The following FBXL5 variants were observed in gnomAD, a reference collection of about 807,000 sequenced individuals.
FBXL5 encodes the protein F-box/LRR-repeat protein 5.
FBXL5 carries 26 observed loss-of-function variants against 78.3 expected under a neutral mutation model. The observed-to-expected ratio is 0.33, with a 90% CI of 0.24 to 0.46. The LOEUF is 0.46. FBXL5 is among the 20% of genes least tolerant of loss of function. The probability of loss-of-function intolerance (pLI) is 1.00; values close to 1 mark genes in which losing one functional copy is unlikely to be tolerated. For synonymous variants in FBXL5, 295 were observed against 282.5 expected (o/e 1.04, Z -0.45); for missense variants, 710 against 829.2 (o/e 0.86, Z 1.77).
At chr4:15,680,882 C>A (rs1356012185) in intron 1 of FBXL5, among the ~76,000 whole-genome samples, 1 of 149,278 alleles carries the variant, frequency 6.7e-6, no homozygotes, top group African/African-American at 2.5e-5. Flanking sequence ...ATATATATGT[C>A]AACCCAAAAA....
intron 1 of FBXL5, among the ~76,000 whole-genome samples, chr4:15,667,308 C>T (rs903257872): frequency 6.6e-6 from 1 of 152,162 alleles, no homozygotes; most frequent in Non-Finnish European, 1.5e-5. Flanking sequence ...GATATAGGCA[C>T]TCAACATTTG....
At chr4:15,678,783 T>C (rs781325952) in intron 1 of FBXL5, among the ~76,000 whole-genome samples, 25 of 152,322 alleles carry the variant, frequency 1.6e-4, no homozygotes, top group Non-Finnish European at 2.5e-4. Context: ...TCATTTTGTT[T>C]GAAATGTCAC....
At chr4:15,618,659 T>C (rs947854615) in intron 9 of FBXL5, among the ~76,000 whole-genome samples, 70 of 152,036 alleles carry the variant, frequency 4.6e-4, no homozygotes, top group African/African-American at 1.7e-3. Context: ...CTAGCCAACA[T>C]GGTGAAACCC....
At chr4:15,639,244 C>T (rs1459661843) in intron 3 of FBXL5, among the ~76,000 whole-genome samples, 2 of 152,184 alleles carry the variant, frequency 1.3e-5, no homozygotes. Flanking sequence ...AATTTTAAAG[C>T]ATAAGGACCA....
rs777776661 is a variant in FBXL5 at position 15,636,580 on chromosome 4, C to A, written c.680G>T (p.Arg227Leu). The change falls in exon 5 of 11, where the codon CGA becomes CTA. Residue 227 changes from arginine to leucine, a missense_variant. By Grantham distance (102) the Arg-to-Leu change is moderately radical. Around this residue, in one of 4 missense-constraint regions of FBXL5, gnomAD observed 517 missense variants for 542.9 expected, o/e 0.95. Coordinates refer to ENST00000341285, the MANE Select transcript of FBXL5 (RefSeq NM_012161.4). ...CCATTTCATGCTTACTTGACTGCATCGACATAACTCTTGAGGATTAAGATA... is the reference window on the plus strand; with the variant it reads ...CCATTTCATGCTTACTTGACTGCATAGACATAACTCTTGAGGATTAAGATA... ...FSYLNPQELC[R>L]CSQVSMKWSQ... 1.1e-5 allele frequency: 18 copies of A among 1,613,818 alleles called. No homozygotes were observed. Among genetic ancestry groups the A allele is most frequent in the Admixed American group, 5.0e-5 (3 of 59,986 alleles).
intron 9 of FBXL5, among the ~76,000 whole-genome samples, chr4:15,614,805 C>T (rs939994640): frequency 6.6e-6 from 1 of 152,190 alleles, no homozygotes. Flanking sequence ...TGGGCCCCCA[C>T]TTTGGCGGCA....
rs117260749 is a variant in FBXL5 at position 15,648,836 on chromosome 4, T to G, written c.85-4128A>C. On this transcript the variant is annotated intron_variant, in intron 1 of 10. Transcript: ENST00000341285. ...ATAATACTGTATTATGTACTTGAAA[T>G]TTGCTGAGAGTACATCCTCTGTGTC... Among the ~76,000 whole-genome samples, 87 of 152,220 alleles carry G rather than the reference T, an allele frequency of 5.7e-4. No individual in the cohort carries two copies. In the East Asian group the frequency reaches 0.015, roughly 27 times the overall value.
In FBXL5 at chr4:15,625,941, A is replaced by G; in HGVS notation, c.1161T>C (p.His387=). 1 of 1,603,704 alleles carries G rather than the reference A, an allele frequency of 6.2e-7. No homozygotes were observed. The highest frequency in any genetic ancestry group is 1.3e-5 in the African/African-American group (1 of 74,464). Residue 387 remains histidine, a synonymous_variant, in exon 9 of 11, where the codon CAT becomes CAC. Transcript: ENST00000341285. ...TTTTCTCACAACCAGACAGATCAAG[A>G]TGCCGAAGACTCTGGCAGCAACCAA... is the stretch of plus-strand genomic sequence containing the variant. The part of the protein sequence containing the change: ...SWLGCCQSLR[H]LDLSGCEKIT...
chr4:15,662,163 G>T (rs1384362810), upstream of FBXL5, among the ~76,000 whole-genome samples: 1 of 150,354 alleles, frequency 6.7e-6, no homozygotes, highest in African/African-American at 2.4e-5. Context: ...TTACACAATG[G>T]TGTACCTAAT....
intron 2 of FBXL5, among the ~76,000 whole-genome samples, chr4:15,642,746 G>A (rs958266182): frequency 6.6e-6 from 1 of 151,762 alleles, no homozygotes; most frequent in Non-Finnish European, 1.5e-5. Flanking sequence ...TTTCATACTG[G>A]GTCACTCTTC....
intron 1 of FBXL5, among the ~76,000 whole-genome samples, chr4:15,670,747 T>C (rs962218477): frequency 1.3e-5 from 2 of 151,382 alleles, no homozygotes; most frequent in Non-Finnish European, 2.9e-5. Flanking sequence ...GGCAGTAAAA[T>C]AGCAGCTTGC....
chr4:15,644,288 C>T (rs1346424442), intron 2 of FBXL5, among the ~76,000 whole-genome samples: 1 of 152,192 alleles, frequency 6.6e-6, no homozygotes, highest in African/African-American at 2.4e-5. Flanking sequence ...CTGTATTCAC[C>T]GTCGGGACTG....
At chr4:15,656,630 C>G (rs1297874801), upstream of FBXL5, among the ~76,000 whole-genome samples, 1 of 152,166 alleles carries the variant, frequency 6.6e-6, no homozygotes, top group East Asian at 1.9e-4. Flanking sequence ...AGTGGTTAAA[C>G]CACAGACTCT....
chr4:15,673,423 A>G (rs1470290437), intron 1 of FBXL5, among the ~76,000 whole-genome samples: 1 of 152,198 alleles, frequency 6.6e-6, no homozygotes, highest in Non-Finnish European at 1.5e-5. Context: ...CCTGGGCAAC[A>G]GAGTGAGACC....
chr4:15,635,467 C>T (rs1381332349), intron 5 of FBXL5, among the ~76,000 whole-genome samples: 1 of 151,076 alleles, frequency 6.6e-6, no homozygotes, highest in African/African-American at 2.4e-5. Context: ...GCTAATATTC[C>T]CCTGGGCCGG....
chr4:15,606,181 C>T (rs1031807787), intron 10 of FBXL5, among the ~76,000 whole-genome samples: 3 of 152,070 alleles, frequency 2.0e-5, no homozygotes, highest in South Asian at 2.1e-4. Flanking sequence ...ACAGCCCTAA[C>T]TATAATCGAT....
intron 9 of FBXL5, among the ~76,000 whole-genome samples, chr4:15,621,886 T>C (rs188843175): frequency 1.2e-3 from 189 of 152,320 alleles, no homozygotes; most frequent in African/African-American, 4.5e-3. Flanking sequence ...TGGAGTGCAA[T>C]AGTGCCATCT....
chr4:15,623,533 C>T (rs28712663), intron 9 of FBXL5, among the ~76,000 whole-genome samples: 1,988 of 152,026 alleles, frequency 0.013, 54 homozygotes, highest in African/African-American at 0.046. Flanking sequence ...AAATGAATTA[C>T]GAGGTTTTAA....
Position 15,612,246 on chromosome 4 carries a change from G to A in FBXL5, c.1999+20C>T, listed in dbSNP as rs369903259. 2.3e-4 allele frequency: 337 copies of A among 1,484,004 alleles called. No individual in the cohort carries two copies. Among genetic ancestry groups the A allele is most frequent in the Non-Finnish European group, 2.8e-4 (313 of 1,119,518 alleles). 91.9% of individuals were successfully genotyped at this position (1,484,004 alleles called of 1,614,324 possible). ...TTAAATTAATTCCTTCAAAATTATC[G>A]CACTGTTAAAAGGCATTACCGTTAA... is the stretch of plus-strand genomic sequence containing the variant. On this transcript the variant is annotated intron_variant, in intron 10 of 10. Transcript: ENST00000341285.
Sources: gnomAD v4.1 joint callset for allele counts (sites outside exome capture counted in the v4.1 genomes callset) on GRCh38, gnomAD v4.1.1 for gene constraint, gnomAD v4.1.1 regional missense constraint, MANE v1.5 for transcripts, NCBI Gene and HGNC (gene_info 2026-07-23, HGNC 2026-07-21) for gene names.